The following LTBP3 variants were observed in gnomAD, a reference collection of about 807,000 sequenced individuals.
The protein encoded by LTBP3 is latent transforming growth factor beta binding protein 3, also known as latent-transforming growth factor beta-binding protein 3.
Under a neutral mutation model 159.7 loss-of-function variants are expected in LTBP3, and 97 were observed. The observed-to-expected ratio is 0.61, with a 90% confidence interval of 0.52 to 0.72. The LOEUF (loss-of-function observed/expected upper bound fraction) is 0.72, where lower values mean the gene tolerates loss of function less well. Ranked by LOEUF, LTBP3 falls within the 30% of genes least tolerant of loss-of-function variation. The pLI, the probability that LTBP3 is intolerant of heterozygous loss-of-function variation, is 0.00. For synonymous variants in LTBP3, 824 were observed against 777.1 expected (o/e 1.06, Z -1.00); for missense variants, 1,584 against 1,864.3 (o/e 0.85, Z 2.77).
rs963931804 is a variant in LTBP3, at chr11:65,554,540, C to T, written c.332-160G>A. Among the ~76,000 whole-genome samples, 4 of 152,028 alleles carry T rather than the reference C, an allele frequency of 2.6e-5. No homozygotes were observed. The highest frequency in any genetic ancestry group is 7.2e-5 in the African/African-American group (3 of 41,380). ...CTCTCTAGGTTCCCCAACATCCTTA[C>T]ACCTATGTTGGGTTCTGGAGTCTCA... On this transcript the variant is annotated intron_variant, in intron 1 of 27. Coordinates refer to ENST00000301873, the MANE Select transcript of LTBP3 (RefSeq NM_001130144.3). The surrounding 1 kb of genome is among the most constrained non-coding windows in gnomAD (Gnocchi z 5.3).
rs777469007 is a variant in LTBP3, at chr11:65,540,842, C to T, written c.2977+29G>A. The T allele has an allele frequency of 6.3e-6, 10 of 1,593,670 alleles. No individual in the cohort carries two copies. The Middle Eastern group carries it at 1.2e-3, about 194-fold the overall frequency. On this transcript the variant is annotated intron_variant, in intron 21 of 27. Transcript: ENST00000301873. ...GAGCCCAACCCGGGGTGAGAGGGCG[C>T]GGGGCGGGCGGAGCCGCAGGGCGCT...
chr11:65,548,938 A>C (rs1045513110), intron 11 of LTBP3: 2 of 152,148 alleles, frequency 1.3e-5, no homozygotes, highest in Non-Finnish European at 2.9e-5. Flanking sequence ...TCAGGGTTTC[A>C]GCTGGGTTGG....
At position 65,546,593 on chromosome 11, in the gene LTBP3, C is replaced by A. The variant is rs1856379853; in HGVS notation, c.2231-29G>T. 1 of 1,599,806 alleles carries A rather than the reference C, an allele frequency of 6.3e-7. No homozygotes were observed. The highest frequency in any genetic ancestry group is 8.5e-7 in the Non-Finnish European group (1 of 1,179,272). On this transcript the variant is annotated intron_variant, in intron 15 of 27. Transcript: ENST00000301873. The surrounding 1 kb of genome is among the most constrained non-coding windows in gnomAD (Gnocchi z 4.0). Reference sequence around the variant, plus strand: ...CGGCGGAAAGACCTAGCCTCGGACTCTGCCCCACCGGAAGGCGGACCGCGC... The same window carrying A: ...CGGCGGAAAGACCTAGCCTCGGACTATGCCCCACCGGAAGGCGGACCGCGC...
In LTBP3 at chr11:65,552,101, G is replaced by A; in HGVS notation, c.1402C>T (p.Gln468Ter). ...GKGYHILTSHQTLTIQGESDF... is the reference protein window; with the variant it reads ...GKGYHILTSH ...CTCTCGCCCTGAATGGTGAGCGTCT[G>A]GTGGGAGGTGAGAATGTGGTATCCC... The change falls in exon 8 of 28, where the codon CAG (glutamine) becomes TAG (stop). Residue 468 changes from glutamine to a stop codon, truncating the protein, a stop_gained. Transcript: ENST00000301873. LOFTEE classifies it high-confidence loss of function. The surrounding 1 kb of genome is among the most constrained non-coding windows in gnomAD (Gnocchi z 6.0). 1 of 1,614,190 alleles carries A rather than the reference G, an allele frequency of 6.2e-7. No individual in the cohort carries two copies. Among genetic ancestry groups the A allele is most frequent in the Non-Finnish European group, 8.5e-7 (1 of 1,180,016 alleles).
Position 65,546,449 on chromosome 11 carries a change from A to T in LTBP3, c.2346T>A (p.Ser782Arg), listed in dbSNP as rs1395268560. 4 of 1,563,348 alleles carry T rather than the reference A, an allele frequency of 2.6e-6. No homozygotes were observed. The highest frequency in any genetic ancestry group is 3.4e-6 in the Non-Finnish European group (4 of 1,161,944). ...GGGGGTGCTGGCGCTCACCCAAGCA[A>T]CTGCGGCCGTCGGGCGCGGGCGCGT... ...QGYAPAPDGR[S>R]CLDVDECEAG... Residue 782 changes from serine to arginine, a missense_variant, in exon 16 of 28, where the codon AGT (serine) becomes AGA (arginine). Physicochemically the swap from Ser to Arg is moderately radical, Grantham distance 110. Coordinates refer to ENST00000301873, the MANE Select transcript of LTBP3 (RefSeq NM_001130144.3). The surrounding 1 kb of genome is among the most constrained non-coding windows in gnomAD (Gnocchi z 4.0).
rs978024965 is a variant in LTBP3, at chr11:65,540,167, G to A, written c.3245-14C>T. The A allele has an allele frequency of 1.3e-6, 2 of 1,535,828 alleles. No individual in the cohort carries two copies. The highest frequency in any genetic ancestry group is 2.5e-5 in the East Asian group (1 of 40,670). On this transcript the variant is annotated splice_polypyrimidine_tract_variant and intron_variant, in intron 23 of 27. Coordinates refer to ENST00000301873, the MANE Select transcript of LTBP3 (RefSeq NM_001130144.3). ...ACTCGTCCACGTCTACGAACAGCGAGGGGGTGGGTGGGGGCCGTCACAGCT... is the reference window on the plus strand; with the variant it reads ...ACTCGTCCACGTCTACGAACAGCGAAGGGGTGGGTGGGGGCCGTCACAGCT...
intron 18 of LTBP3, 129 bp downstream of exon 18, chr11:65,542,976 A>ATGGATGGATG (rs1565091712): frequency 2.1e-6 from 2 of 943,842 alleles, no homozygotes; most frequent in African/African-American, 9.0e-5. Context: ...ATGGATGGAT[A>ATGGATGGATG]GATGGATGGA....
Position 65,547,461 on chromosome 11 carries a change from G to A in LTBP3, c.2085C>T (p.Ala695=), listed in dbSNP as rs775658583. The A allele has an allele frequency of 4.3e-6, 7 of 1,614,066 alleles. No individual in the cohort carries two copies. Among genetic ancestry groups the A allele is most frequent in the Non-Finnish European group, 5.9e-6 (7 of 1,180,024 alleles). The part of the protein sequence containing the change: ...CNCYPGYRLK[A]SRPPVCEDID... ...CACCTTCGCACACAGGAGGCCGGGA[G>A]GCTTTGAGCCGGTAGCCGGGGTAGC... Residue 695 remains alanine (A), a synonymous_variant, in exon 14 of 28, where the codon GCC becomes GCT. Transcript: ENST00000301873. The surrounding 1 kb of genome is among the most constrained non-coding windows in gnomAD (Gnocchi z 4.6).
At position 65,553,928 on chromosome 11, in the gene LTBP3, G is replaced by A. The variant is rs1043042186; in HGVS notation, c.662-25C>T. 3 of 1,519,286 alleles carry A rather than the reference G, an allele frequency of 2.0e-6. No homozygotes were observed. The highest frequency in any genetic ancestry group is 2.7e-5 in the African/African-American group (2 of 73,002). The allele number at this position is 1,519,286 out of a possible 1,614,324, so 94.1% of individuals were successfully genotyped here. ...ACTGGGGGCGGGCGCGGTGGCCTCA[G>A]GGCTGCCCGCACCGCGCCGCGGGTC... is the stretch of plus-strand genomic sequence containing the variant. On this transcript the variant is annotated intron_variant, in intron 2 of 27. Transcript: ENST00000301873. The surrounding 1 kb of genome is among the most constrained non-coding windows in gnomAD (Gnocchi z 6.5).
Position 65,551,788 on chromosome 11 carries a change from G to C in LTBP3, c.1531+184C>G, listed in dbSNP as rs1856622857. On this transcript the variant is annotated intron_variant, in intron 8 of 27. Transcript: ENST00000301873. ...TACAGGTCAGGCTGTAGAAGGCTTA[G>C]GAGGTTATAGCTCAGGGTCAAATAT... 3 of 920,454 alleles carry C rather than the reference G, an allele frequency of 3.3e-6. No homozygotes were observed. In the East Asian group the frequency reaches 7.2e-5, roughly 22 times the overall value. The allele number at this position is 920,454 out of a possible 1,614,324, so 57.0% of individuals were successfully genotyped here.
In LTBP3 at chr11:65,546,824, C is replaced by T. The variant is rs757613107; in HGVS notation, c.2204G>A (p.Arg735His). ...FKCIACQPGY[R>H]SQGGGACRDV... is the part of the protein sequence containing the mutation. ...GCGACAGGCCCCGCCCCCCTGGCTG[C>T]GGTAGCCAGGCTGACAGGCGATGCA... is the stretch of plus-strand genomic sequence containing the variant. The change falls in exon 15 of 28, where the codon CGC (arginine) becomes CAC (histidine). Residue 735 changes from arginine to histidine, a missense_variant. Coordinates refer to ENST00000301873, the MANE Select transcript of LTBP3 (RefSeq NM_001130144.3). This position sits in a 1 kb window ranked among gnomAD's most constrained non-coding sequence, Gnocchi z 4.0. 6 of 1,608,014 alleles carry T rather than the reference C, an allele frequency of 3.7e-6. No homozygotes were observed. The highest frequency in any genetic ancestry group is 4.2e-6 in the Non-Finnish European group (5 of 1,179,710).
intron 1 of LTBP3, among the ~76,000 whole-genome samples, chr11:65,556,017 G>A (rs1227313175): frequency 6.6e-6 from 1 of 152,138 alleles, no homozygotes; most frequent in Non-Finnish European, 1.5e-5. Flanking sequence ...CTGCCAGTGA[G>A]TCACTCATAG....
At chr11:65,549,842 G>A (rs1350026733) in intron 11 of LTBP3, among the ~76,000 whole-genome samples, 2 of 150,178 alleles carry the variant, frequency 1.3e-5, no homozygotes, top group African/African-American at 4.9e-5. Flanking sequence ...GATCACTTGA[G>A]CCCAGGAGGT....
Position 65,539,089 on chromosome 11 carries a change from G to C in LTBP3, c.3903C>G (p.Arg1301=). The change falls in exon 28 of 28, where the codon CGC becomes CGG. Residue 1301 remains arginine (R), a synonymous_variant. Transcript: ENST00000301873. Reference sequence around the variant, plus strand: ...GGCGGCGTCGGCGGCGTCAGCGGCGGCGCTGGGGAACGCAGGCCCCGTGCG... The same window carrying C: ...GGCGGCGTCGGCGGCGTCAGCGGCGCCGCTGGGGAACGCAGGCCCCGTGCG... ...SRPHGACVPQ[R]RR is the part of the protein sequence containing the mutation. The C allele has an allele frequency of 2.0e-5, 29 of 1,422,784 alleles. No homozygotes were observed. Among genetic ancestry groups the C allele is most frequent in the Non-Finnish European group, 2.7e-5 (29 of 1,084,112 alleles). The allele number at this position is 1,422,784 out of a possible 1,614,324, so 88.1% of individuals were successfully genotyped here. A position where few individuals can be genotyped will look rare whatever the true frequency, so the allele number is the denominator to read the frequency against.
At position 65,557,648 on chromosome 11, in the gene LTBP3, C is replaced by G; in HGVS notation, c.312G>C (p.Thr104=). Residue 104 remains threonine, a synonymous_variant, in exon 1 of 28, where the codon ACG becomes ACC. Transcript: ENST00000301873. The part of the protein sequence containing the change: ...GENGHSTDTL[T]GSGFRVVVCP... ...CCTCACCCACGCGGAAGCCGGAGCC[C>G]GTGAGCGTGTCTGTGCTGTGGCCGT... 6.2e-7 allele frequency: 1 copy of G among 1,610,682 alleles called. No individual in the cohort carries two copies. The highest frequency in any genetic ancestry group is 1.1e-5 in the South Asian group (1 of 91,086).
In LTBP3 at chr11:65,547,347, G is replaced by GAA; in HGVS notation, c.2107+91_2107+92insTT. On this transcript the variant is annotated intron_variant, in intron 14 of 27. Coordinates refer to ENST00000301873, the MANE Select transcript of LTBP3 (RefSeq NM_001130144.3). The surrounding 1 kb of genome is among the most constrained non-coding windows in gnomAD (Gnocchi z 4.6). ...CGACAGAGTGAGACTCCGTCTCGGG[G>GAA]GAAAAAAAAAAAAATGCAGGCACCC... 5 of 1,329,896 alleles carry GAA rather than the reference G, an allele frequency of 3.8e-6. No individual in the cohort carries two copies. The highest frequency in any genetic ancestry group is 4.1e-6 in the Non-Finnish European group (4 of 975,634). 82.4% of individuals were successfully genotyped at this position (1,329,896 alleles called of 1,614,324 possible). A position where few individuals can be genotyped will look rare whatever the true frequency, so the allele number is the denominator to read the frequency against.
rs764035518 is a variant in LTBP3 at position 65,557,681 on chromosome 11, G to A, written c.279C>T (p.Ile93=). The part of the protein sequence containing the change: ...SCQQGSNMTL[I]GENGHSTDTL... ...TGTCTGTGCTGTGGCCGTTCTCTCC[G>A]ATGAGCGTCATGTTGGAGCCCTGCT... Residue 93 remains isoleucine (I), a synonymous_variant, in exon 1 of 28, where the codon ATC becomes ATT. Transcript: ENST00000301873. 2.5e-6 allele frequency: 4 copies of A among 1,610,784 alleles called. No individual in the cohort carries two copies. Among genetic ancestry groups the A allele is most frequent in the Non-Finnish European group, 3.4e-6 (4 of 1,179,880 alleles).
chr11:65,548,431 A>T (rs1031628366), intron 11 of LTBP3: 1 of 452,774 alleles, frequency 2.2e-6, no homozygotes, highest in Non-Finnish European at 4.1e-6. Context: ...TAAACTCTAT[A>T]GCCTCGGTCA....
Position 65,538,994 on chromosome 11 carries a change from C to A in LTBP3, c.*86G>T. 7.6e-7 allele frequency: 1 copy of A among 1,316,728 alleles called. No homozygotes were observed. Among genetic ancestry groups the A allele is most frequent in the Non-Finnish European group, 9.7e-7 (1 of 1,034,046 alleles). The allele number at this position is 1,316,728 out of a possible 1,614,324, so 81.6% of individuals were successfully genotyped here. On this transcript the variant is annotated 3_prime_UTR_variant, in exon 28 of 28. Coordinates refer to ENST00000301873, the MANE Select transcript of LTBP3 (RefSeq NM_001130144.3). ...GGCCCTGAAGGTCCCTGGGTCCGAG[C>A]CACAAGTCGGGGCAGAAGTGAGGCC...
Sources: gnomAD v4.1 joint callset for allele counts (sites outside exome capture counted in the v4.1 genomes callset) on GRCh38, gnomAD v4.1.1 for gene constraint, Gnocchi (gnomAD v3.1) non-coding constraint, MANE v1.5 for transcripts, NCBI Gene and HGNC (gene_info 2026-07-23, HGNC 2026-07-21) for gene names.